The following USHBP1 variants were observed in gnomAD, a reference collection of about 807,000 sequenced individuals.
The protein encoded by USHBP1 is harmonin-binding protein USHBP1.
USHBP1 carries 67 observed loss-of-function variants against 76.2 expected under a neutral mutation model. That is an observed-to-expected ratio of 0.88 (90% CI 0.72 to 1.08). The LOEUF (loss-of-function observed/expected upper bound fraction) is 1.08. Ranked by LOEUF, USHBP1 falls within the 50% of genes least tolerant of loss-of-function variation. USHBP1 has a pLI of 0.00. For missense variants in USHBP1, 931 were observed against 915.0 expected (o/e 1.02, Z -0.23); for synonymous variants, 322 against 362.2 (o/e 0.89, Z 1.26).
At chr19:17,250,549 G>A in intron 12 of USHBP1, 135 bp from the exon 13 acceptor site, 2 of 977,816 alleles carry the variant, frequency 2.0e-6, no homozygotes, top group Non-Finnish European at 1.5e-6. Flanking sequence ...GTCTTTTGTT[G>A]TTGTTGTTGT....
chr19:17,257,789 C>T (rs572549088), intron 8 of USHBP1, among the ~76,000 whole-genome samples: 106 of 152,054 alleles, frequency 7.0e-4, no homozygotes, highest in African/African-American at 2.1e-3. Context: ...TGGTACTACG[C>T]GGGCACACCA....
rs1272844456 is a variant in USHBP1, at chr19:17,250,317, C to T, written c.2020G>A (p.Glu674Lys). 6.2e-6 allele frequency: 10 copies of T among 1,613,452 alleles called. No homozygotes were observed. Among genetic ancestry groups the T allele is most frequent in the South Asian group, 3.3e-5 (3 of 91,070 alleles). The change falls in exon 13 of 13, where the codon GAG becomes AAG. Residue 674 changes from glutamate (E) to lysine (K), a missense_variant. Physicochemically the swap from Glu to Lys is moderately conservative, Grantham distance 56. Coordinates refer to ENST00000252597, the MANE Select transcript of USHBP1 (RefSeq NM_031941.4). ...GTGGCTTCGAGCACCGCCACCTCCT[C>T]GGCCTGCTGAGCCTCCATGAGTGCC... is the stretch of plus-strand genomic sequence containing the variant. ...QMALMEAQQA[E>K]EVAVLEATAR...
intron 3 of USHBP1, chr19:17,263,233 T>C (rs1387290230): frequency 5.5e-6 from 2 of 360,948 alleles, no homozygotes; most frequent in Non-Finnish European, 9.9e-6. Context: ...AGACAGGGTT[T>C]CACCATGTTG....
intron 6 of USHBP1, 66 bp downstream of exon 6, chr19:17,259,530 C>T: frequency 1.9e-6 from 3 of 1,604,668 alleles, no homozygotes; most frequent in African/African-American, 1.3e-5. Context: ...CTTCAGACTC[C>T]TGGCTTTATA....
intron 7 of USHBP1, 183 bp from the exon 8 acceptor site, chr19:17,258,568 G>C (rs1018060629): frequency 3.3e-6 from 2 of 601,090 alleles, no homozygotes; most frequent in African/African-American, 3.8e-5. Flanking sequence ...GATTAGCAAG[G>C]TGTGGTGGTA....
chr19:17,250,834 G>C (rs556824030), intron 12 of USHBP1, among the ~76,000 whole-genome samples: 1 of 152,080 alleles, frequency 6.6e-6, no homozygotes, highest in African/African-American at 2.4e-5. Context: ...GATTACAGGC[G>C]TGAGCCACCA....
intron 12 of USHBP1, 93 bp downstream of exon 12, chr19:17,251,489 G>A: frequency 6.5e-7 from 1 of 1,540,854 alleles, no homozygotes; most frequent in South Asian, 1.1e-5. Flanking sequence ...GGGGCAGTGG[G>A]GAATGCTAAG....
intron 1 of USHBP1, 38 bp from the exon 2 acceptor site, chr19:17,264,385 G>A: frequency 6.9e-7 from 1 of 1,446,698 alleles, no homozygotes; most frequent in South Asian, 1.4e-5. Flanking sequence ...TGCCTTTGTT[G>A]TCCTGGACAA....
chr19:17,259,595 C>A lies in USHBP1; in HGVS notation c.905+1G>T, dbSNP rs755245502. 9.3e-6 allele frequency: 15 copies of A among 1,608,198 alleles called. No individual in the cohort carries two copies. The South Asian group carries it at 1.4e-4, about 15-fold the overall frequency. ...ATGAGCTCAGCATTTGAGTCTCTTA[C>A]CCCCGGAGTTGCTCCATCTGGGCTT... is the stretch of plus-strand genomic sequence containing the variant. On this transcript the variant is annotated splice_donor_variant, in intron 6 of 12. Transcript: ENST00000252597. LOFTEE classifies it high-confidence loss of function.
Position 17,251,722 on chromosome 19 carries a change from A to G in USHBP1, c.1800-18T>C. The G allele has an allele frequency of 6.2e-7, 1 of 1,611,216 alleles. No homozygotes were observed. Among genetic ancestry groups the G allele is most frequent in the Non-Finnish European group, 8.5e-7 (1 of 1,179,936 alleles). On this transcript the variant is annotated intron_variant, in intron 11 of 12. Transcript: ENST00000252597. ...CCAGTGTCCTGTTGCGAAGGAGAAG[A>G]GAGGGGGCTCACAGCCCCAGCCGAT...
intron 10 of USHBP1, among the ~76,000 whole-genome samples, chr19:17,253,824 G>A (rs1252356534): frequency 2.7e-5 from 4 of 148,764 alleles, no homozygotes; most frequent in African/African-American, 5.0e-5. Flanking sequence ...AACCTGGGAC[G>A]CAGAGATTGC....
At chr19:17,263,527 G>A (rs1193666887) in intron 3 of USHBP1, 2 of 158,366 alleles carry the variant, frequency 1.3e-5, no homozygotes, top group African/African-American at 4.8e-5. Flanking sequence ...GAGAAACAGA[G>A]TGAAGTTGGA....
intron 8 of USHBP1, 118 bp downstream of exon 8, chr19:17,258,094 C>T (rs893013515): frequency 1.1e-5 from 16 of 1,429,840 alleles, no homozygotes; most frequent in Middle Eastern, 2.5e-4. Context: ...AGCTCCATAC[C>T]GACCTTGCTG....
At chr19:17,256,283 T>C (rs11671659) in intron 9 of USHBP1, among the ~76,000 whole-genome samples, 188 bp downstream of exon 9, 2,241 of 152,156 alleles carry the variant, frequency 0.015, 32 homozygotes, top group South Asian at 0.039. Context: ...AGATTTGTAG[T>C]CTAATGAGAA....
chr19:17,261,208 C>T (rs2073683154), intron 4 of USHBP1, among the ~76,000 whole-genome samples: 1 of 152,158 alleles, frequency 6.6e-6, no homozygotes, highest in African/African-American at 2.4e-5. Flanking sequence ...CCCACACTCT[C>T]CCTGTTGCCC....
At chr19:17,254,653 T>C (rs2073596093) in intron 10 of USHBP1, among the ~76,000 whole-genome samples, 1 of 147,444 alleles carries the variant, frequency 6.8e-6, no homozygotes, top group South Asian at 2.1e-4. Flanking sequence ...CAAAACTCTG[T>C]CTCAAAAAAA....
At position 17,259,414 on chromosome 19, in the gene USHBP1, G is replaced by T; in HGVS notation, c.921C>A (p.Leu307=). The T allele has an allele frequency of 6.2e-7, 1 of 1,614,154 alleles. No individual in the cohort carries two copies. The highest frequency in any genetic ancestry group is 1.1e-5 in the South Asian group (1 of 91,084). ...CTGATAGCAGACGATTAAAGCATTT[G>T]AGCTTCTCAATGCTCCTGTTCCCGA... The part of the protein sequence containing the change: ...MEQLRGSIEK[L]KCFNRLLSAV... The change falls in exon 7 of 13, where the codon CTC becomes CTA. Residue 307 remains leucine, a synonymous_variant. Transcript: ENST00000252597.
At chr19:17,255,227 G>A (rs1338204824) in intron 10 of USHBP1, among the ~76,000 whole-genome samples, 158 bp downstream of exon 10, 1 of 151,880 alleles carries the variant, frequency 6.6e-6, no homozygotes, top group Non-Finnish European at 1.5e-5. Flanking sequence ...GGGAGGCGGA[G>A]GTTGTGGTGA....
chr19:17,253,190 G>C (rs1160241268), intron 10 of USHBP1, among the ~76,000 whole-genome samples: 2 of 151,906 alleles, frequency 1.3e-5, no homozygotes, highest in Admixed American at 1.3e-4. Context: ...GGATGGTCTC[G>C]ATCTCCTGAC....
Sources: gnomAD v4.1 joint callset for allele counts (sites outside exome capture counted in the v4.1 genomes callset) on GRCh38, gnomAD v4.1.1 for gene constraint, MANE v1.5 for transcripts, NCBI Gene and HGNC (gene_info 2026-07-23, HGNC 2026-07-21) for gene names.